The following METTL16 variants were observed in gnomAD, a reference collection of about 807,000 sequenced individuals.
METTL16 encodes RNA N(6)-adenosine-methyltransferase METTL16.
In METTL16, 19 loss-of-function variants were observed where a neutral mutation model predicts 57.9. The ratio of observed to expected loss-of-function variants is 0.33; its 90% CI spans 0.23 to 0.48. The LOEUF (loss-of-function observed/expected upper bound fraction) is 0.48. Ranked by LOEUF, METTL16 falls within the 20% of genes least tolerant of loss-of-function variation. METTL16 has a pLI of 0.99. For missense variants in METTL16, 434 were observed against 691.5 expected (o/e 0.63, Z 4.18); for synonymous variants, 246 against 255.6 (o/e 0.96, Z 0.36).
At chr17:2,457,444 C>T (rs1260800436) in intron 6 of METTL16, among the ~76,000 whole-genome samples, 3 of 151,600 alleles carry the variant, frequency 2.0e-5, no homozygotes, top group African/African-American at 4.8e-5. Context: ...CAGTGGCTCA[C>T]GCCTGTAATC....
At chr17:2,438,417 A>G (rs2066923628) in intron 7 of METTL16, among the ~76,000 whole-genome samples, 1 of 152,266 alleles carries the variant, frequency 6.6e-6, no homozygotes, top group African/African-American at 2.4e-5. Flanking sequence ...GAGAATTTAC[A>G]GATATGACTT....
intron 2 of METTL16, among the ~76,000 whole-genome samples, chr17:2,498,757 T>G (rs564455899): frequency 6.6e-6 from 1 of 151,256 alleles, no homozygotes; most frequent in South Asian, 2.1e-4. Context: ...ATATAAAACT[T>G]TAGTGGATGA....
chr17:2,428,703 C>T (rs1277292518), intron 8 of METTL16, among the ~76,000 whole-genome samples: 1 of 146,688 alleles, frequency 6.8e-6, no homozygotes, highest in Admixed American at 6.9e-5. Context: ...TCGAGACCAG[C>T]ATGGGCAACA....
chr17:2,489,732 C>CAAAA (rs61506042), intron 2 of METTL16, among the ~76,000 whole-genome samples: 7 of 60,324 alleles, frequency 1.2e-4, no homozygotes, highest in African/African-American at 5.1e-4. Context: ...GAGCGAGACT[C>CAAAA]AAAAAAAAAA....
chr17:2,483,633 G>A (rs1207848890), intron 2 of METTL16, among the ~76,000 whole-genome samples: 1 of 152,072 alleles, frequency 6.6e-6, no homozygotes, highest in African/African-American at 2.4e-5. Flanking sequence ...AGCACGCAAT[G>A]GCCTCAATCA....
chr17:2,510,080 A>G (rs977671489), intron 1 of METTL16, among the ~76,000 whole-genome samples: 1 of 152,150 alleles, frequency 6.6e-6, no homozygotes, highest in African/African-American at 2.4e-5. Context: ...CTCAAAAAAA[A>G]AAAAGAAAAA....
rs537231964 is a variant in METTL16, at chr17:2,431,723, A to AAAAT, written c.888+6382_888+6385dup. On this transcript the variant is annotated intron_variant, in intron 8 of 9. Coordinates refer to ENST00000263092, the MANE Select transcript of METTL16 (RefSeq NM_024086.4). ...ATCCTTTTTGGTATCTTTTGACTCAAAAATAAATAAATAAATAAAATGCCT... is the reference window on the plus strand; with the variant it reads ...ATCCTTTTTGGTATCTTTTGACTCAAAAATAAATAAATAAATAAATAAAATGCCT... Among the ~76,000 whole-genome samples the AAAAT allele has an allele frequency of 9.2e-5, 14 of 152,292 alleles. No homozygotes were observed. In the South Asian group the frequency reaches 2.7e-3, roughly 29 times the overall value.
chr17:2,491,407 A>G (rs373671514), intron 2 of METTL16, among the ~76,000 whole-genome samples: 17 of 152,216 alleles, frequency 1.1e-4, no homozygotes, highest in East Asian at 7.7e-4. Context: ...TTGTTAAAAT[A>G]ACAATCATTC....
intron 2 of METTL16, among the ~76,000 whole-genome samples, chr17:2,478,152 G>A (rs752666075): frequency 6.6e-5 from 10 of 152,138 alleles, no homozygotes; most frequent in African/African-American, 2.2e-4. Flanking sequence ...TTCCTGTCTC[G>A]TCGTCTCCTC....
rs2066729367 is a variant in METTL16, at chr17:2,417,522, C to G, written c.*2448G>C. 6.6e-6 allele frequency: 1 copy of G among 152,220 alleles called. No homozygotes were observed. The highest frequency in any genetic ancestry group is 2.1e-4 in the South Asian group (1 of 4,830). 9.4% of individuals were successfully genotyped at this position (152,220 alleles called of 1,614,324 possible). On this transcript the variant is annotated 3_prime_UTR_variant, in exon 10 of 10. Transcript: ENST00000263092. ...GCATTCTCTGGAAATCCCTACGACA[C>G]AGGCTTAAAGGCCAGTGCTGTGCCT...
chr17:2,440,644 C>CA (rs1409049847), intron 7 of METTL16, among the ~76,000 whole-genome samples: 1 of 151,456 alleles, frequency 6.6e-6, no homozygotes, highest in Non-Finnish European at 1.5e-5. Context: ...CCTGAAAGTA[C>CA]AAAAAATACT....
At chr17:2,496,387 C>T (rs1897239285) in intron 2 of METTL16, among the ~76,000 whole-genome samples, 1 of 151,430 alleles carries the variant, frequency 6.6e-6, no homozygotes. Context: ...CAGCCTTGAA[C>T]TCCTGGGATC....
chr17:2,429,123 G>C (rs1041883189), intron 8 of METTL16, among the ~76,000 whole-genome samples: 1 of 151,456 alleles, frequency 6.6e-6, no homozygotes, highest in African/African-American at 2.4e-5. Flanking sequence ...CTCCCAAAGC[G>C]CTGGGATTAC....
intron 6 of METTL16, among the ~76,000 whole-genome samples, chr17:2,457,152 T>C (rs1307366387): frequency 6.8e-6 from 1 of 146,408 alleles, no homozygotes; most frequent in Non-Finnish European, 1.5e-5. Flanking sequence ...GCTAACACAG[T>C]GAAACCCCGT....
At chr17:2,455,418 C>T (rs1215964629) in intron 6 of METTL16, among the ~76,000 whole-genome samples, 1 of 152,072 alleles carries the variant, frequency 6.6e-6, no homozygotes, top group Non-Finnish European at 1.5e-5. Context: ...TAGATGAACT[C>T]AAAATACATG....
intron 7 of METTL16, among the ~76,000 whole-genome samples, chr17:2,440,576 C>A (rs1044732122): frequency 3.5e-5 from 5 of 144,590 alleles, no homozygotes; most frequent in Non-Finnish European, 7.4e-5. Context: ...AAAACAAAAA[C>A]AAAACAGTAG....
chr17:2,446,890 G>A (rs995974180), intron 6 of METTL16, among the ~76,000 whole-genome samples: 5 of 152,052 alleles, frequency 3.3e-5, no homozygotes, highest in African/African-American at 9.7e-5. Context: ...GTGCTCAGTG[G>A]TGCCCAGGCT....
At chr17:2,467,164 C>A (rs1368689632) in intron 5 of METTL16, among the ~76,000 whole-genome samples, 1 of 152,006 alleles carries the variant, frequency 6.6e-6, no homozygotes, top group East Asian at 1.9e-4. Context: ...AGGTGTAGGA[C>A]CTGTGGATAC....
intron 1 of METTL16, among the ~76,000 whole-genome samples, chr17:2,505,475 C>T (rs2067525722): frequency 7.4e-6 from 1 of 134,960 alleles, no homozygotes; most frequent in Non-Finnish European, 1.5e-5. Flanking sequence ...TATTGAACTC[C>T]TGGCCTCAAG....
Sources: allele counts gnomAD v4.1 joint callset (sites outside exome capture counted in the v4.1 genomes callset), GRCh38; gene constraint gnomAD v4.1.1; transcripts MANE v1.5; gene names NCBI Gene and HGNC (gene_info 2026-07-23, HGNC 2026-07-21).